Variants in GRAMD1B observed in about 807,000 individuals in gnomAD.
The protein encoded by GRAMD1B is protein Aster-B.
A neutral mutation model predicts 99.7 loss-of-function variants in GRAMD1B; 37 were observed. The ratio of observed to expected loss-of-function variants is 0.37; its 90% confidence interval spans 0.29 to 0.49. The LOEUF (loss-of-function observed/expected upper bound fraction) is 0.49, where lower values mean the gene tolerates loss of function less well. Among genes scored for constraint, GRAMD1B ranks in the 20% least tolerant of loss-of-function variants. The pLI is 0.98. For synonymous variants in GRAMD1B, 427 were observed against 387.6 expected (o/e 1.10, Z -1.19); for missense variants, 888 against 1,009.2 (o/e 0.88, Z 1.63).
At position 123,548,237 on chromosome 11, in the gene GRAMD1B, T is replaced by C. The variant is rs1279175913; in HGVS notation, c.453-29130T>C. 2.0e-5 allele frequency among the ~76,000 whole-genome samples: 3 copies of C among 149,340 alleles called. No individual in the cohort carries two copies. In the East Asian group the frequency reaches 5.9e-4, roughly 29 times the overall value. On this transcript the variant is annotated intron_variant, in intron 2 of 19. Coordinates refer to ENST00000635736, the MANE Select transcript of GRAMD1B (RefSeq NM_001387025.1). ...ATCCTTAGATCTCTTCTCTCCTGAC[T>C]TGTTCCCTTCCAGTCCCCACTAGGT...
chr11:123,562,499 A>G (rs2136024725), intron 2 of GRAMD1B, among the ~76,000 whole-genome samples: 1 of 152,364 alleles, frequency 6.6e-6, no homozygotes, highest in East Asian at 1.9e-4. Context: ...ACGAACGAGC[A>G]TGGCTGTGTT....
At chr11:123,468,421 AATTTATAGT>A (rs1273540417) in intron 1 of GRAMD1B, among the ~76,000 whole-genome samples, 1 of 152,162 alleles carries the variant, frequency 6.6e-6, no homozygotes, top group African/African-American at 2.4e-5. Context: ...GCTCTCAAAT[AATTTATAGT>A]ATGGTAGAAG....
chr11:123,560,067 C>CA (rs962670657), intron 2 of GRAMD1B, among the ~76,000 whole-genome samples: 3 of 66,130 alleles, frequency 4.5e-5, no homozygotes, highest in African/African-American at 1.6e-4. Flanking sequence ...AGGAAATAAC[C>CA]CCCCCCCCCG....
rs567532094 is a variant in GRAMD1B at position 123,524,368 on chromosome 11, T to C, written c.452+43475T>C. ...ATTTTATTTTTTGTTTGAGACAGAG[T>C]CTCACTCTGTCTCCCAGGCTAGATT... is the stretch of plus-strand genomic sequence containing the variant. On this transcript the variant is annotated intron_variant, in intron 2 of 19. Transcript: ENST00000635736. Among the ~76,000 whole-genome samples, 3 of 87,602 alleles carry C rather than the reference T, an allele frequency of 3.4e-5. No homozygotes were observed. In the East Asian group the frequency reaches 1.4e-3, roughly 41 times the overall value. 57.5% of individuals were successfully genotyped at this position (87,602 alleles called of 152,430 possible).
At chr11:123,431,215 A>G (rs1258446626) in intron 1 of GRAMD1B, 49 bp downstream of exon 1, 2 of 656,546 alleles carry the variant, frequency 3.0e-6, no homozygotes, top group Non-Finnish European at 5.5e-6. Context: ...CGTCCTCTCC[A>G]GAGCCGTCCA....
intron 1 of GRAMD1B, among the ~76,000 whole-genome samples, chr11:123,476,305 T>A (rs1952899017): frequency 6.6e-6 from 1 of 152,160 alleles, no homozygotes; most frequent in South Asian, 2.1e-4. Context: ...TTCACCATGT[T>A]GGCCAGGCTG....
intron 3 of GRAMD1B, among the ~76,000 whole-genome samples, chr11:123,580,490 G>A (rs1425102750): frequency 6.6e-6 from 1 of 152,158 alleles, no homozygotes; most frequent in Non-Finnish European, 1.5e-5. Context: ...TGGGCAAGCT[G>A]GCCAGTGCCT....
intron 1 of GRAMD1B, among the ~76,000 whole-genome samples, chr11:123,454,173 C>G (rs749002568): frequency 2.0e-5 from 3 of 152,208 alleles, no homozygotes; most frequent in Non-Finnish European, 2.9e-5. Context: ...CATTGGTCAT[C>G]ATGATAATAC....
chr11:123,424,269 A>AAG (rs1948569209), intron 1 of GRAMD1B, among the ~76,000 whole-genome samples: 2 of 150,978 alleles, frequency 1.3e-5, no homozygotes, highest in African/African-American at 2.4e-5. Context: ...AAAAAAAAAA[A>AAG]AGAAAAAAGA....
intron 8 of GRAMD1B, among the ~76,000 whole-genome samples, chr11:123,603,068 C>T (rs1952186797): frequency 6.6e-6 from 1 of 152,216 alleles, no homozygotes; most frequent in African/African-American, 2.4e-5. Context: ...CTGGGATCCC[C>T]TTGGCCCCAG....
chr11:123,612,146 G>C (rs1953684256), intron 14 of GRAMD1B, among the ~76,000 whole-genome samples: 1 of 151,986 alleles, frequency 6.6e-6, no homozygotes, highest in Non-Finnish European at 1.5e-5. Context: ...GAGTGCAGTG[G>C]TGTGATCATG....
chr11:123,572,798 A>G (rs1441561162), intron 2 of GRAMD1B, among the ~76,000 whole-genome samples: 26 of 126,402 alleles, frequency 2.1e-4, no homozygotes, highest in East Asian at 7.4e-4. Flanking sequence ...GCTGGGGCAG[A>G]GGCGCAGGTA....
intron 2 of GRAMD1B, among the ~76,000 whole-genome samples, chr11:123,493,017 C>T (rs1421739783): frequency 6.6e-6 from 1 of 152,124 alleles, no homozygotes; most frequent in African/African-American, 2.4e-5. Flanking sequence ...TCTCTGGTAC[C>T]GATATTCAGC....
rs548445516 is a variant in GRAMD1B, at chr11:123,588,999, A to G, written c.684+4667A>G. Among the ~76,000 whole-genome samples the G allele has an allele frequency of 2.6e-5, 4 of 152,124 alleles. No homozygotes were observed. In the South Asian group the frequency reaches 8.3e-4, roughly 32 times the overall value. ...ATACATATAGCCTGAGGATAATTTT[A>G]TATAATATTTTAAATAATTTTATGC... On this transcript the variant is annotated intron_variant, in intron 4 of 19. Transcript: ENST00000635736.
At position 123,365,625 on chromosome 11, in the gene GRAMD1B, G is replaced by A. The variant is rs933791692; in HGVS notation, c.-176+6826G>A. Among the ~76,000 whole-genome samples, 5 of 152,314 alleles carry A rather than the reference G, an allele frequency of 3.3e-5. No individual in the cohort carries two copies. The East Asian group carries it at 5.8e-4, about 18-fold the overall frequency. ...CTGTCATTAGTTCTGCACCTCTGCA[G>A]GTAGGGGTCTACAAGCATCTCGCTG... On this transcript the variant is annotated intron_variant, in intron 1 of 20. Transcript: ENST00000638157.
chr11:123,482,945 G>A (rs1168452766), intron 2 of GRAMD1B, among the ~76,000 whole-genome samples: 1 of 151,842 alleles, frequency 6.6e-6, no homozygotes, highest in East Asian at 1.9e-4. Flanking sequence ...TGTAGTCCTA[G>A]CTACTCCGGA....
At chr11:123,413,523 A>AATGGAGGCATTCATGGAGGCATAAATTC (rs1948124790) in intron 1 of GRAMD1B, among the ~76,000 whole-genome samples, 2 of 145,008 alleles carry the variant, frequency 1.4e-5, no homozygotes, top group African/African-American at 5.3e-5. Context: ...TTTTTTTTTT[A>AATGGAGGCATTCATGGAGGCATAAATTC]ATGGAGGCAT....
At chr11:123,411,686 G>T (rs929279791) in intron 1 of GRAMD1B, among the ~76,000 whole-genome samples, 1 of 152,064 alleles carries the variant, frequency 6.6e-6, no homozygotes, top group African/African-American at 2.4e-5. Flanking sequence ...GCAGGGTCTT[G>T]CTCTGTCACA....
At chr11:123,558,047 G>A (rs1247555418) in intron 2 of GRAMD1B, among the ~76,000 whole-genome samples, 4 of 147,504 alleles carry the variant, frequency 2.7e-5, no homozygotes, top group African/African-American at 5.0e-5. Context: ...GCAGTGGTGC[G>A]ATCATGGCTC....
Sources: allele counts gnomAD v4.1 joint callset (sites outside exome capture counted in the v4.1 genomes callset), GRCh38; gene constraint gnomAD v4.1.1; transcripts MANE v1.5; gene names NCBI Gene and HGNC (gene_info 2026-07-23, HGNC 2026-07-21).